The following ANXA8 variants were observed in gnomAD, a reference collection of about 807,000 sequenced individuals.
ANXA8 encodes VAC-beta.
In ANXA8, 9 loss-of-function variants were observed where a neutral mutation model predicts 26.8. The observed-to-expected ratio is 0.34, with a 90% CI of 0.20 to 0.59. The LOEUF (loss-of-function observed/expected upper bound fraction) is 0.59. Among genes scored for constraint, ANXA8 ranks in the 20% least tolerant of loss-of-function variants. The pLI is 0.84. For synonymous variants in ANXA8, 39 were observed against 94.8 expected (o/e 0.41, Z 3.42); for missense variants, 83 against 238.5 (o/e 0.35, Z 4.29).
the ANXA8 span, chr10:47,690,871 T>G: frequency 6.2e-7 from 1 of 1,611,678 alleles, no homozygotes; most frequent in Non-Finnish European, 8.5e-7. Context: ...AGTGGCCCAG[T>G]CTGAAGCTCT....
the ANXA8 span, among the ~76,000 whole-genome samples, chr10:47,535,622 T>C: frequency 1.4e-5 from 2 of 144,704 alleles, no homozygotes; most frequent in Non-Finnish European, 3.0e-5. Flanking sequence ...TTTTTAATTA[T>C]AGCATTAGAC....
At chr10:47,557,052 G>T in the ANXA8 span, among the ~76,000 whole-genome samples, 301 of 120,336 alleles carry the variant, frequency 2.5e-3, 1 homozygote, top group African/African-American at 7.1e-3. Context: ...TGTCACCCAG[G>T]CTGAAGTGCA....
chr10:47,683,538 G>A, the ANXA8 span, among the ~76,000 whole-genome samples: 28 of 149,748 alleles, frequency 1.9e-4, no homozygotes, highest in Middle Eastern at 3.5e-3. Context: ...ACAGTACGTG[G>A]GTTATTAGTA....
the ANXA8 span, among the ~76,000 whole-genome samples, chr10:47,761,094 A>G: frequency 1.4e-5 from 1 of 71,194 alleles, no homozygotes; most frequent in Non-Finnish European, 3.2e-5. Context: ...CAACACACAC[A>G]CACACACGCA....
chr10:47,633,295 T>TGTACGTTCACGCACAC, the ANXA8 span, among the ~76,000 whole-genome samples: 1,336 of 90,180 alleles, frequency 0.015, 13 homozygotes, highest in African/African-American at 0.082. Flanking sequence ...CACGCACACA[T>TGTACGTTCACGCACAC]GTACGTTCAC....
At chr10:47,577,128 G>C in the ANXA8 span, among the ~76,000 whole-genome samples, 2 of 149,116 alleles carry the variant, frequency 1.3e-5, no homozygotes, top group Non-Finnish European at 3.0e-5. Context: ...CTGAGGCTGA[G>C]ACAGGAGAAT....
At chr10:47,647,093 C>T in the ANXA8 span, among the ~76,000 whole-genome samples, 3 of 152,368 alleles carry the variant, frequency 2.0e-5, no homozygotes, top group Admixed American at 2.0e-4. Flanking sequence ...TTCCATCTGG[C>T]TCAAACATAA....
chr10:47,626,324 T>A, the ANXA8 span, among the ~76,000 whole-genome samples: 6 of 150,370 alleles, frequency 4.0e-5, 1 homozygote, highest in Admixed American at 3.9e-4. Flanking sequence ...AATTGCTGTA[T>A]GAATTTTGAT....
chr10:47,959,950 T>C, the ANXA8 span, among the ~76,000 whole-genome samples: 94 of 151,174 alleles, frequency 6.2e-4, 5 homozygotes, highest in Non-Finnish European at 1.2e-3. Flanking sequence ...TGCCTAGGCC[T>C]GCAGACCACA....
the ANXA8 span, among the ~76,000 whole-genome samples, chr10:47,952,068 CT>C: frequency 1.6e-3 from 234 of 150,532 alleles, 6 homozygotes; most frequent in Admixed American, 3.0e-3. Flanking sequence ...TCACGATGTA[CT>C]TTTTTTTAAA....
At chr10:47,676,596 G>C in the ANXA8 span, among the ~76,000 whole-genome samples, 1 of 151,812 alleles carries the variant, frequency 6.6e-6, no homozygotes, top group Non-Finnish European at 1.5e-5. Context: ...TTTGAGTCCA[G>C]CCTGAGTAAA....
the ANXA8 span, among the ~76,000 whole-genome samples, chr10:47,660,146 G>C: frequency 2.7e-5 from 4 of 146,760 alleles, no homozygotes; most frequent in Non-Finnish European, 5.9e-5. Flanking sequence ...GTGAGTAATA[G>C]TATGTATAAA....
the ANXA8 span, among the ~76,000 whole-genome samples, chr10:47,526,353 C>T: frequency 7.4e-6 from 1 of 135,366 alleles, no homozygotes; most frequent in Non-Finnish European, 1.5e-5. Context: ...GATCCACCTG[C>T]CTTGGCCTCC....
chr10:47,667,653 G>C, the ANXA8 span, among the ~76,000 whole-genome samples: 3 of 151,768 alleles, frequency 2.0e-5, no homozygotes, highest in Admixed American at 6.6e-5. Flanking sequence ...CCTGGGTTCA[G>C]GTGATTCTGG....
the ANXA8 span, among the ~76,000 whole-genome samples, chr10:47,628,034 T>A: frequency 6.6e-6 from 1 of 150,748 alleles, no homozygotes; most frequent in African/African-American, 2.5e-5. Flanking sequence ...ATTTTTATTT[T>A]ATTTGCAATA....
the ANXA8 span, among the ~76,000 whole-genome samples, chr10:47,723,327 G>A: frequency 5.7e-5 from 3 of 52,556 alleles, no homozygotes; most frequent in Non-Finnish European, 1.2e-4. Context: ...TTATCCCTTC[G>A]TTTTTCTATT....
At chr10:47,549,169 A>T in the ANXA8 span, 1 of 621,196 alleles carries the variant, frequency 1.6e-6, no homozygotes, top group African/African-American at 1.8e-5. Context: ...CAATTCAATC[A>T]CATCTACTAT....
At chr10:47,728,760 C>CTTT in the ANXA8 span, among the ~76,000 whole-genome samples, 36 of 116,736 alleles carry the variant, frequency 3.1e-4, no homozygotes, top group Middle Eastern at 4.5e-3. Context: ...GTTATCTCTT[C>CTTT]TTTTTTTTTT....
chr10:47,559,379 C>T, the ANXA8 span, among the ~76,000 whole-genome samples: 3 of 151,676 alleles, frequency 2.0e-5, no homozygotes, highest in Non-Finnish European at 2.9e-5. Context: ...CTGCCCAGCT[C>T]GGCCTCCCAA....
Sources: allele counts gnomAD v4.1 joint callset (sites outside exome capture counted in the v4.1 genomes callset), GRCh38; gene constraint gnomAD v4.1.1; transcripts MANE v1.5; gene names NCBI Gene and HGNC (gene_info 2026-07-23, HGNC 2026-07-21).